The following SUFU variants were observed in gnomAD, a reference collection of about 807,000 sequenced individuals.
SUFU encodes suppressor of fused homolog.
SUFU carries 7 observed loss-of-function variants against 58.9 expected under a neutral mutation model. The observed-to-expected ratio is 0.12, with a 90% confidence interval of 0.07 to 0.22. The LOEUF is 0.22. Among genes scored for constraint, SUFU ranks in the 10% least tolerant of loss-of-function variants. The pLI, the probability that SUFU is intolerant of heterozygous loss-of-function variation, is 1.00. For missense variants in SUFU, 451 were observed against 641.3 expected, an observed-to-expected ratio of 0.70 and a Z score of 3.20; for synonymous variants, 232 against 254.8, an observed-to-expected ratio of 0.91 and a Z score of 0.85.
intron 3 of SUFU, 82 bp from the exon 4 acceptor site, chr10:102,592,500 C>G (rs1352077278): frequency 3.2e-6 from 5 of 1,570,474 alleles, no homozygotes; most frequent in South Asian, 2.2e-5. Flanking sequence ...GCCTCCCAGC[C>G]TGGGCTAGTG....
chr10:102,578,073 C>T (rs533875160), intron 3 of SUFU, among the ~76,000 whole-genome samples: 48 of 147,618 alleles, frequency 3.3e-4, no homozygotes, highest in Admixed American at 1.9e-3. Context: ...TTTGGGAGGC[C>T]GAGGCGGGTG....
intron 3 of SUFU, chr10:102,572,859 C>T: frequency 2.5e-6 from 2 of 804,142 alleles, no homozygotes; most frequent in East Asian, 2.4e-5. Flanking sequence ...GGGTGTTGAC[C>T]TTGGTCACAT....
intron 8 of SUFU, among the ~76,000 whole-genome samples, chr10:102,601,954 C>T (rs3934495): frequency 0.11 from 16,086 of 152,150 alleles, 1,287 homozygotes; most frequent in East Asian, 0.42. Context: ...GCGGGTTTGT[C>T]TGTGGTCTAA....
intron 8 of SUFU, among the ~76,000 whole-genome samples, chr10:102,610,693 G>A (rs949674039): frequency 3.3e-5 from 5 of 152,154 alleles, no homozygotes; most frequent in African/African-American, 9.7e-5. Context: ...TGAGAACATC[G>A]ATGACGAATT....
chr10:102,515,159 C>G (rs780410424), intron 2 of SUFU, among the ~76,000 whole-genome samples: 2 of 152,176 alleles, frequency 1.3e-5, no homozygotes, highest in South Asian at 4.1e-4. Flanking sequence ...GCCTCCCTTT[C>G]CCTTGTGTTC....
intron 3 of SUFU, chr10:102,579,851 A>G: frequency 1.0e-6 from 1 of 985,404 alleles, no homozygotes; most frequent in Non-Finnish European, 1.2e-6. Flanking sequence ...AGAACTTTGA[A>G]AAGGTAGGTG....
rs986697316 is a variant in SUFU at position 102,579,885 on chromosome 10, G to T, written c.455-12697G>T. On this transcript the variant is annotated intron_variant, in intron 3 of 11. Transcript: ENST00000369902. ...TGGGTGAGGGTAGGGGTTAATTCTT[G>T]CTTCTACCACATGACCAAGTTGGGA... 15 of 984,644 alleles carry T rather than the reference G, an allele frequency of 1.5e-5. No homozygotes were observed. In the African/African-American group the frequency reaches 2.6e-4, roughly 17 times the overall value. The allele number at this position is 984,644 out of a possible 1,614,324, so 61.0% of individuals were successfully genotyped here.
At chr10:102,533,049 A>G (rs903822579) in intron 2 of SUFU, among the ~76,000 whole-genome samples, 1 of 152,162 alleles carries the variant, frequency 6.6e-6, no homozygotes, top group Non-Finnish European at 1.5e-5. Context: ...ATTGAGGGCC[A>G]CTGAGAAGGG....
At chr10:102,566,125 G>T (rs1055902756) in intron 3 of SUFU, among the ~76,000 whole-genome samples, 1 of 152,192 alleles carries the variant, frequency 6.6e-6, no homozygotes, top group African/African-American at 2.4e-5. Context: ...AGAGTGTTCA[G>T]CGAAGAGGGC....
intron 8 of SUFU, among the ~76,000 whole-genome samples, chr10:102,609,732 T>C (rs1277513867): frequency 6.6e-6 from 1 of 152,166 alleles, no homozygotes; most frequent in Non-Finnish European, 1.5e-5. Context: ...CTGGCTCACA[T>C]GTATTGTGCC....
At chr10:102,600,364 C>T (rs756084996) in intron 8 of SUFU, among the ~76,000 whole-genome samples, 4 of 152,184 alleles carry the variant, frequency 2.6e-5, no homozygotes, top group Non-Finnish European at 5.9e-5. Flanking sequence ...TAGCCTTCTT[C>T]TATGAAGTCT....
intron 8 of SUFU, among the ~76,000 whole-genome samples, chr10:102,602,755 A>G (rs1195167755): frequency 6.6e-6 from 1 of 152,018 alleles, no homozygotes; most frequent in Non-Finnish European, 1.5e-5. Flanking sequence ...CCTACTCTTC[A>G]TTGCCAGCCC....
rs895595541 is a variant in SUFU, at chr10:102,570,830, C to G, written c.454+20724C>G. 5.3e-5 allele frequency among the ~76,000 whole-genome samples: 8 copies of G among 152,212 alleles called. No individual in the cohort carries two copies. In the South Asian group the frequency reaches 6.2e-4, roughly 12 times the overall value. On this transcript the variant is annotated intron_variant, in intron 3 of 11. Transcript: ENST00000369902. ...GTGGGTGGATTCTATGTCTGTGTCT[C>G]AGTTCTACTGGATCCTTCTGTCTTC...
At chr10:102,609,961 C>T (rs544018702) in intron 8 of SUFU, among the ~76,000 whole-genome samples, 4 of 152,292 alleles carry the variant, frequency 2.6e-5, no homozygotes, top group African/African-American at 4.8e-5. Flanking sequence ...AGGGAAAGAG[C>T]GAGTCCTGAG....
At chr10:102,519,583 G>T (rs533861569) in intron 2 of SUFU, among the ~76,000 whole-genome samples, 5 of 149,702 alleles carry the variant, frequency 3.3e-5, no homozygotes, top group Non-Finnish European at 7.4e-5. Flanking sequence ...ACAGTAAGTT[G>T]CCAGGAAAGT....
At chr10:102,570,152 G>C (rs1009642223) in intron 3 of SUFU, among the ~76,000 whole-genome samples, 8 of 152,098 alleles carry the variant, frequency 5.3e-5, no homozygotes, top group Admixed American at 2.0e-4. Context: ...GCAGTTGCTG[G>C]CCCAGGCGCT....
chr10:102,567,934 C>G (rs915412589), intron 3 of SUFU, among the ~76,000 whole-genome samples: 1 of 152,118 alleles, frequency 6.6e-6, no homozygotes, highest in Admixed American at 6.5e-5. Flanking sequence ...TATCAACCTC[C>G]TGGGCCAACC....
intron 2 of SUFU, among the ~76,000 whole-genome samples, chr10:102,536,286 G>A (rs1391723583): frequency 6.6e-6 from 1 of 150,558 alleles, no homozygotes; most frequent in Non-Finnish European, 1.5e-5. Flanking sequence ...ATTATAAATG[G>A]TAGAAAATTT....
intron 4 of SUFU, among the ~76,000 whole-genome samples, chr10:102,593,378 A>C (rs2063424140): frequency 6.6e-6 from 1 of 152,182 alleles, no homozygotes; most frequent in African/African-American, 2.4e-5. Context: ...TTTGTAGCTA[A>C]GAGCTAGACT....
Sources: allele counts gnomAD v4.1 joint callset (sites outside exome capture counted in the v4.1 genomes callset), GRCh38; gene constraint gnomAD v4.1.1; transcripts MANE v1.5; gene names NCBI Gene and HGNC (gene_info 2026-07-23, HGNC 2026-07-21).